FRMD6: variants seen among roughly 807,000 people sequenced by gnomAD.
FRMD6 encodes the protein FERM domain containing 6.
FRMD6 carries 37 observed loss-of-function variants against 73.2 expected under a neutral mutation model. That is an observed-to-expected ratio of 0.51 (90% CI 0.39 to 0.66). The LOEUF is 0.66. Ranked by LOEUF, FRMD6 falls within the 30% of genes least tolerant of loss-of-function variation. FRMD6 has a pLI of 0.00. For synonymous variants in FRMD6, 273 were observed against 282.2 expected (o/e 0.97, Z 0.33); for missense variants, 714 against 780.5 (o/e 0.91, Z 1.02).
chr14:51,432,392 A>G, the FRMD6 span, among the ~76,000 whole-genome samples: 1 of 152,104 alleles, frequency 6.6e-6, no homozygotes, highest in Admixed American at 6.5e-5. Context: ...ACTCAGGAAA[A>G]TTCCCTTTTT....
intron 1 of FRMD6, among the ~76,000 whole-genome samples, chr14:51,553,808 G>A (rs1249726192): frequency 1.3e-5 from 2 of 152,134 alleles, no homozygotes; most frequent in African/African-American, 2.4e-5. Flanking sequence ...GGAGTTTACC[G>A]AGCGGATGAG....
intron 1 of FRMD6, among the ~76,000 whole-genome samples, chr14:51,545,539 G>A (rs1156650676): frequency 6.6e-6 from 1 of 152,036 alleles, no homozygotes; most frequent in Non-Finnish European, 1.5e-5. Context: ...CAGGGTGGGA[G>A]TATTTACACC....
At position 51,689,924 on chromosome 14, in the gene FRMD6, A is replaced by T. The variant is rs1012137953; in HGVS notation, c.88A>T (p.Ile30Phe). The T allele has an allele frequency of 6.2e-7, 1 of 1,600,374 alleles. No individual in the cohort carries two copies. Among genetic ancestry groups the T allele is most frequent in the Non-Finnish European group, 8.6e-7 (1 of 1,167,434 alleles). ...CCTTCCCAACGATGAATCTCTGAAC[A>T]TCATCATAAATGTGAGTAGATCCAG... is the stretch of plus-strand genomic sequence containing the variant. ...IFLPNDESLNIIINVKILCHQ... is the reference protein window; with the variant it reads ...IFLPNDESLNFIINVKILCHQ... Residue 30 changes from isoleucine to phenylalanine, a missense_variant, in exon 2 of 14, where the codon ATC becomes TTC. Coordinates refer to ENST00000344768, the MANE Select transcript of FRMD6 (RefSeq NM_001267046.2).
intron 1 of FRMD6, among the ~76,000 whole-genome samples, chr14:51,531,780 C>T (rs187175979): frequency 3.8e-4 from 58 of 152,286 alleles, no homozygotes; most frequent in Non-Finnish European, 6.6e-4. Flanking sequence ...TACTCATTAA[C>T]ATAAATGAAA....
At chr14:51,412,473 ACAATTTT>A in the FRMD6 span, among the ~76,000 whole-genome samples, 1 of 151,866 alleles carries the variant, frequency 6.6e-6, no homozygotes, top group Non-Finnish European at 1.5e-5. Context: ...TGAGAAGTAC[ACAATTTT>A]CATGTAAGAG....
the FRMD6 span, among the ~76,000 whole-genome samples, chr14:51,410,539 A>G: frequency 6.6e-6 from 1 of 152,362 alleles, no homozygotes; most frequent in East Asian, 1.9e-4. Context: ...AGCCATGCAT[A>G]TTTTAAGACT....
the FRMD6 span, among the ~76,000 whole-genome samples, chr14:51,425,734 C>A: frequency 6.6e-6 from 1 of 152,214 alleles, no homozygotes; most frequent in Non-Finnish European, 1.5e-5. Flanking sequence ...CTACCCCAGA[C>A]CACCCTCTCT....
chr14:51,490,322 CA>C (rs1322145188), intron 1 of FRMD6, among the ~76,000 whole-genome samples: 1 of 152,016 alleles, frequency 6.6e-6, no homozygotes, highest in Non-Finnish European at 1.5e-5. Context: ...TTAAGATGAC[CA>C]AATATTGAGG....
the FRMD6 span, among the ~76,000 whole-genome samples, chr14:51,420,907 G>A: frequency 6.6e-6 from 1 of 152,128 alleles, no homozygotes; most frequent in Non-Finnish European, 1.5e-5. Flanking sequence ...CCGATTAGCT[G>A]GGACTACAGG....
intron 11 of FRMD6, among the ~76,000 whole-genome samples, chr14:51,721,503 G>A (rs1408229986): frequency 2.6e-5 from 4 of 152,116 alleles, no homozygotes; most frequent in Non-Finnish European, 5.9e-5. Flanking sequence ...CCAGCTACTC[G>A]GGAGGCTGAG....
At chr14:51,714,684 G>A (rs756236142) in intron 9 of FRMD6, 1 of 152,166 alleles carries the variant, frequency 6.6e-6, no homozygotes, top group Non-Finnish European at 1.5e-5. Context: ...TGTTTAGCTA[G>A]GGAAGTTTTC....
chr14:51,487,306 A>G (rs1882787504), upstream of FRMD6, among the ~76,000 whole-genome samples: 1 of 152,202 alleles, frequency 6.6e-6, no homozygotes, highest in Non-Finnish European at 1.5e-5. Flanking sequence ...TTGTATTTGT[A>G]TATACATTTC....
intron 2 of FRMD6, among the ~76,000 whole-genome samples, chr14:51,617,027 C>T (rs1397805811): frequency 2.6e-5 from 4 of 152,204 alleles, no homozygotes; most frequent in Non-Finnish European, 2.9e-5. Flanking sequence ...ATGGGTATAG[C>T]TTTCCCGTTT....
chr14:51,405,069 T>G, the FRMD6 span, among the ~76,000 whole-genome samples: 1 of 152,196 alleles, frequency 6.6e-6, no homozygotes, highest in African/African-American at 2.4e-5. Context: ...GGATAATAGC[T>G]TCCAGCTTCA....
intron 9 of FRMD6, 160 bp from the exon 10 acceptor site, chr14:51,715,164 AT>A (rs1897170303): frequency 1.7e-6 from 1 of 600,664 alleles, no homozygotes; most frequent in African/African-American, 1.9e-5. Flanking sequence ...GTCCTGTGAC[AT>A]TTTTGAAAGG....
intron 1 of FRMD6, among the ~76,000 whole-genome samples, chr14:51,492,365 G>C (rs1338726278): frequency 6.6e-6 from 1 of 151,990 alleles, no homozygotes; most frequent in East Asian, 1.9e-4. Flanking sequence ...ACTCTAACCT[G>C]TTCCTGTGTG....
At chr14:51,434,902 T>G in the FRMD6 span, among the ~76,000 whole-genome samples, 1 of 152,178 alleles carries the variant, frequency 6.6e-6, no homozygotes, top group African/African-American at 2.4e-5. Flanking sequence ...CAAAAAAGTA[T>G]AATCATGAGA....
At chr14:51,592,030 T>C (rs1889429869) in intron 2 of FRMD6, among the ~76,000 whole-genome samples, 2 of 152,226 alleles carry the variant, frequency 1.3e-5, no homozygotes, top group African/African-American at 4.8e-5. Flanking sequence ...CATACCTATA[T>C]ATACTCCATA....
At chr14:51,489,256 T>C (rs1387653145) in exon 1 of FRMD6, 3 of 152,192 alleles carry the variant, frequency 2.0e-5, no homozygotes, top group African/African-American at 7.2e-5. Flanking sequence ...CAAAAAGCCA[T>C]GGGAATGGGA....
Sources: allele counts gnomAD v4.1 joint callset (sites outside exome capture counted in the v4.1 genomes callset), GRCh38; gene constraint gnomAD v4.1.1; transcripts MANE v1.5; gene names NCBI Gene and HGNC (gene_info 2026-07-23, HGNC 2026-07-21).